The following ATL2 variants were observed in gnomAD, a reference collection of about 807,000 sequenced individuals.
ATL2 encodes the protein atlastin GTPase 2.
In ATL2, 31 loss-of-function variants were observed where a neutral mutation model predicts 73.9. The observed-to-expected ratio is 0.42, with a 90% confidence interval of 0.32 to 0.57. The LOEUF is 0.57. Among genes scored for constraint, ATL2 ranks in the 20% least tolerant of loss-of-function variants. ATL2 has a pLI of 0.14. For missense variants in ATL2, 738 were observed against 702.6 expected (o/e 1.05, Z -0.57); for synonymous variants, 291 against 237.5 (o/e 1.23, Z -2.07).
At chr2:38,370,391 G>C (rs1293956081) in intron 1 of ATL2, among the ~76,000 whole-genome samples, 3 of 139,192 alleles carry the variant, frequency 2.2e-5, no homozygotes, top group Non-Finnish European at 4.6e-5. Flanking sequence ...GGAGGTTACA[G>C]TGAGCCAAGA....
intron 9 of ATL2, among the ~76,000 whole-genome samples, chr2:38,307,552 T>C (rs895925890): frequency 5.9e-5 from 9 of 151,780 alleles, no homozygotes; most frequent in African/African-American, 1.7e-4. Context: ...ATTGGTCTGG[T>C]CTGGGAAAAG....
rs1011152218 is a variant in ATL2, at chr2:38,376,268, TGA to T, written c.118+873_118+874del. The T allele has an allele frequency of 7.2e-5, 101 of 1,395,080 alleles. No individual in the cohort carries two copies. In the African/African-American group the frequency reaches 1.4e-3, roughly 19 times the overall value. 86.4% of individuals were successfully genotyped at this position (1,395,080 alleles called of 1,614,324 possible). A position where few individuals can be genotyped will look rare whatever the true frequency, so the allele number is the denominator to read the frequency against. Reference sequence around the variant, plus strand: ...CTCCTATAAATAGGGGTGTTATGAGTGAGAGGGATACACTGCGCTGCCAACGC... The same window carrying T: ...CTCCTATAAATAGGGGTGTTATGAGTGAGGGATACACTGCGCTGCCAACGC... On this transcript the variant is annotated intron_variant, in intron 1 of 12. Coordinates refer to ENST00000378954, the MANE Select transcript of ATL2 (RefSeq NM_001135673.4).
chr2:38,335,801 G>A (rs1669327341), intron 2 of ATL2, among the ~76,000 whole-genome samples: 1 of 152,134 alleles, frequency 6.6e-6, no homozygotes, highest in African/African-American at 2.4e-5. Context: ...CAGCACTTTG[G>A]GAGGCTGACA....
chr2:38,360,128 C>CAA (rs755582696), intron 1 of ATL2, among the ~76,000 whole-genome samples: 14 of 81,904 alleles, frequency 1.7e-4, no homozygotes, highest in South Asian at 3.7e-4. Context: ...GGCTCCATTT[C>CAA]AAAAAAAAAA....
At position 38,321,154 on chromosome 2, in the gene ATL2, CAG is replaced by C. The variant is rs1280270965; in HGVS notation, c.364-2137_364-2136del. ...CACCACTGCGCTCCAGCCTGGGCAA[CAG>C]AGAGAGACTGTCTCAAACAAAACAA... On this transcript the variant is annotated intron_variant, in intron 2 of 12. Coordinates refer to ENST00000378954, the MANE Select transcript of ATL2 (RefSeq NM_001135673.4). Among the ~76,000 whole-genome samples, 13 of 152,248 alleles carry C rather than the reference CAG, an allele frequency of 8.5e-5. No individual in the cohort carries two copies. The East Asian group carries it at 2.1e-3, about 25-fold the overall frequency.
intron 2 of ATL2, among the ~76,000 whole-genome samples, chr2:38,319,226 G>A (rs147591640): frequency 1.3e-5 from 2 of 152,072 alleles, no homozygotes; most frequent in East Asian, 3.9e-4. Flanking sequence ...CTCCAAACTC[G>A]AATCTTCTCA....
chr2:38,341,945 T>C (rs889007753), intron 2 of ATL2, among the ~76,000 whole-genome samples: 1 of 152,192 alleles, frequency 6.6e-6, no homozygotes, highest in Non-Finnish European at 1.5e-5. Context: ...CAAAGTATTA[T>C]TTCTAATAAT....
intron 9 of ATL2, among the ~76,000 whole-genome samples, chr2:38,301,329 G>A (rs1667180392): frequency 6.6e-6 from 1 of 152,158 alleles, no homozygotes; most frequent in African/African-American, 2.4e-5. Flanking sequence ...GAGCAAGATG[G>A]CCAAATAGAA....
rs570598954 is a variant in ATL2, at chr2:38,319,484, G to A, written c.364-465C>T. On this transcript the variant is annotated intron_variant, in intron 2 of 12. Coordinates refer to ENST00000378954, the MANE Select transcript of ATL2 (RefSeq NM_001135673.4). ...CGTGGCGGCACACTCCTGTAGTCCC[G>A]GCTACTCAGCAGGCTGAGGTAGGAG... is the stretch of plus-strand genomic sequence containing the variant. Among the ~76,000 whole-genome samples, 6 of 151,584 alleles carry A rather than the reference G, an allele frequency of 4.0e-5. No homozygotes were observed. In the East Asian group the frequency reaches 9.8e-4, roughly 25 times the overall value.
intron 1 of ATL2, among the ~76,000 whole-genome samples, chr2:38,359,072 C>T (rs1670856150): frequency 6.6e-6 from 1 of 152,130 alleles, no homozygotes; most frequent in Non-Finnish European, 1.5e-5. Context: ...TTAAAGACTC[C>T]AGGAAACGAC....
intron 9 of ATL2, among the ~76,000 whole-genome samples, chr2:38,308,011 G>A (rs1667544809): frequency 6.7e-6 from 1 of 148,848 alleles, no homozygotes; most frequent in African/African-American, 2.5e-5. Flanking sequence ...TGGCAGAAAG[G>A]TAAATTAGTA....
chr2:38,353,109 A>G (rs1479879133), intron 1 of ATL2, among the ~76,000 whole-genome samples: 1 of 152,270 alleles, frequency 6.6e-6, no homozygotes, highest in Non-Finnish European at 1.5e-5. Context: ...AAAGAAAAGC[A>G]GTTAACAGTA....
intron 1 of ATL2, among the ~76,000 whole-genome samples, chr2:38,356,338 C>T (rs1233445571): frequency 4.0e-5 from 6 of 151,888 alleles, no homozygotes; most frequent in South Asian, 4.2e-4. Flanking sequence ...GGACTACAAG[C>T]GTGAGCCAGC....
intron 9 of ATL2, among the ~76,000 whole-genome samples, chr2:38,300,893 A>C (rs1290068219): frequency 7.2e-5 from 11 of 152,054 alleles, no homozygotes; most frequent in Admixed American, 2.6e-4. Context: ...AAAAAAAAAA[A>C]AAACTAATTT....
At chr2:38,369,923 A>C (rs1165294919) in intron 1 of ATL2, among the ~76,000 whole-genome samples, 3 of 150,644 alleles carry the variant, frequency 2.0e-5, no homozygotes, top group Non-Finnish European at 4.4e-5. Flanking sequence ...AAGCCGAGGC[A>C]GGTGGATCAC....
At chr2:38,306,686 G>A (rs1667466064) in intron 9 of ATL2, among the ~76,000 whole-genome samples, 1 of 152,100 alleles carries the variant, frequency 6.6e-6, no homozygotes, top group Admixed American at 6.5e-5. Flanking sequence ...AAAAGCACTG[G>A]ATAAAATTCA....
In ATL2 at chr2:38,325,473, C is replaced by T. The variant is rs144791804; in HGVS notation, c.364-6454G>A. Among the ~76,000 whole-genome samples the T allele has an allele frequency of 6.8e-3, 1,038 of 152,146 alleles. 15 individuals are homozygous for T. Among genetic ancestry groups the T allele is most frequent in the African/African-American group, 0.024 (982 of 41,504 alleles). ...CCTAGAGGCTCAGTCTAAGAAAACA[C>T]CCCACTTTCCTGAATATTATCTCAA... On this transcript the variant is annotated intron_variant, in intron 2 of 12. Coordinates refer to ENST00000378954, the MANE Select transcript of ATL2 (RefSeq NM_001135673.4).
At chr2:38,320,016 G>A (rs1036342597) in intron 2 of ATL2, among the ~76,000 whole-genome samples, 3 of 152,080 alleles carry the variant, frequency 2.0e-5, no homozygotes, top group African/African-American at 4.8e-5. Flanking sequence ...GCTCAGGCAA[G>A]AGAATCACTT....
chr2:38,361,141 CAGG>C (rs1440143771), intron 1 of ATL2, among the ~76,000 whole-genome samples: 1 of 151,912 alleles, frequency 6.6e-6, no homozygotes, highest in Non-Finnish European at 1.5e-5. Flanking sequence ...ATCACGAGGT[CAGG>C]AGATCGAGAC....
Sources: gnomAD v4.1 joint callset for allele counts (sites outside exome capture counted in the v4.1 genomes callset) on GRCh38, gnomAD v4.1.1 for gene constraint, MANE v1.5 for transcripts, NCBI Gene and HGNC (gene_info 2026-07-23, HGNC 2026-07-21) for gene names.